Variants in MACROD1 observed in about 807,000 individuals in gnomAD.
The protein encoded by MACROD1 is ADP-ribose glycohydrolase MACROD1.
In MACROD1, 31 loss-of-function variants were observed where a neutral mutation model predicts 41.4. The observed-to-expected ratio is 0.75, with a 90% CI of 0.56 to 1.01. The LOEUF (loss-of-function observed/expected upper bound fraction) is 1.01, where lower values mean the gene tolerates loss of function less well. Among genes scored for constraint, MACROD1 ranks in the 50% least tolerant of loss-of-function variants. The probability of loss-of-function intolerance (pLI) is 0.00; values close to 1 mark genes in which losing one functional copy is unlikely to be tolerated. For synonymous variants in MACROD1, 252 were observed against 203.4 expected (o/e 1.24, Z -2.03); for missense variants, 473 against 460.0 (o/e 1.03, Z -0.26).
chr11:64,105,751 C>T (rs1457847856), intron 3 of MACROD1, among the ~76,000 whole-genome samples: 1 of 152,158 alleles, frequency 6.6e-6, no homozygotes, highest in Non-Finnish European at 1.5e-5. Context: ...CCTCCCTGTG[C>T]CAAACCCCTG....
chr11:64,152,502 T>G, intron 1 of MACROD1, 109 bp from the exon 2 acceptor site: 1 of 839,334 alleles, frequency 1.2e-6, no homozygotes, highest in Non-Finnish European at 2.0e-6. Flanking sequence ...CAGCTCTTCC[T>G]GTCCCTCCTT....
At chr11:64,016,258 C>T (rs1355699887) in intron 3 of MACROD1, among the ~76,000 whole-genome samples, 1 of 152,260 alleles carries the variant, frequency 6.6e-6, no homozygotes, top group African/African-American at 2.4e-5. Context: ...CAGCACTGCC[C>T]CCAGCCTGGG....
chr11:64,157,497 G>A (rs913000274), intron 1 of MACROD1, among the ~76,000 whole-genome samples: 4 of 152,188 alleles, frequency 2.6e-5, no homozygotes, highest in African/African-American at 9.7e-5. Context: ...TGTAAAACAT[G>A]CATTTTCATT....
Position 64,146,017 on chromosome 11 carries a change from G to A in MACROD1, c.517+5222C>T, listed in dbSNP as rs926046272. Among the ~76,000 whole-genome samples the A allele has an allele frequency of 6.6e-6, 1 of 152,042 alleles. No individual in the cohort carries two copies. The highest frequency in any genetic ancestry group is 2.1e-4 in the South Asian group (1 of 4,812). On this transcript the variant is annotated intron_variant, in intron 3 of 10. Transcript: ENST00000255681. The surrounding 1 kb of genome is among the most constrained non-coding windows in gnomAD (Gnocchi z 4.7). ...ACTCCTGACCTCAAGCGATCCGCCC[G>A]CCTCGGCCTCCCAAAGTGCTAGGAT...
At chr11:64,005,759 G>C (rs866419033) in intron 4 of MACROD1, among the ~76,000 whole-genome samples, 1 of 152,252 alleles carries the variant, frequency 6.6e-6, no homozygotes, top group East Asian at 1.9e-4. Flanking sequence ...TGGGGGCCTT[G>C]TACCCCAGGG....
At chr11:64,063,187 G>T (rs1415996722) in intron 3 of MACROD1, among the ~76,000 whole-genome samples, 1 of 152,126 alleles carries the variant, frequency 6.6e-6, no homozygotes, top group Non-Finnish European at 1.5e-5. Context: ...GGCTCTGTGC[G>T]CCCTGCTTAG....
intron 4 of MACROD1, among the ~76,000 whole-genome samples, chr11:64,010,433 A>C (rs1313026046): frequency 2.7e-5 from 2 of 75,100 alleles, no homozygotes; most frequent in Admixed American, 1.8e-4. Flanking sequence ...ATGTTGGCTG[A>C]CATGTTGGGG....
Position 63,999,629 on chromosome 11 carries a change from G to A in MACROD1, c.786+13C>T, listed in dbSNP as rs763342969. The A allele has an allele frequency of 1.2e-6, 2 of 1,609,730 alleles. No homozygotes were observed. Among genetic ancestry groups the A allele is most frequent in the East Asian group, 2.2e-5 (1 of 44,732 alleles). On this transcript the variant is annotated intron_variant, in intron 6 of 10. Coordinates refer to ENST00000255681, the MANE Select transcript of MACROD1 (RefSeq NM_014067.4). ...GCCCCGCCTCCCGCCCTCCCCCGCG[G>A]GCCGTCCCTCACCACCGAGCGGAGC... is the stretch of plus-strand genomic sequence containing the variant.
intron 3 of MACROD1, among the ~76,000 whole-genome samples, chr11:64,078,593 G>T (rs993802318): frequency 1.3e-5 from 2 of 152,176 alleles, no homozygotes; most frequent in Non-Finnish European, 2.9e-5. Context: ...GGTCCCATGG[G>T]GGGTGGCCAC....
intron 1 of MACROD1, among the ~76,000 whole-genome samples, chr11:64,153,216 C>A (rs1222532517): frequency 1.3e-5 from 2 of 152,260 alleles, no homozygotes; most frequent in Non-Finnish European, 2.9e-5. Flanking sequence ...CCGACCGCGC[C>A]AGGCCAGGCT....
chr11:64,148,923 C>T (rs1945534649), intron 3 of MACROD1: 1 of 985,340 alleles, frequency 1.0e-6, no homozygotes, highest in African/African-American at 1.7e-5. Flanking sequence ...CCACAAAGCC[C>T]TGGACGGCTG....
chr11:64,004,059 T>C (rs1362084139), intron 4 of MACROD1, among the ~76,000 whole-genome samples: 1 of 152,234 alleles, frequency 6.6e-6, no homozygotes, highest in Non-Finnish European at 1.5e-5. Flanking sequence ...GAGGAACCTC[T>C]TTCTGCCCCA....
At chr11:64,001,365 C>T (rs1942822547) in intron 4 of MACROD1, 1 of 697,180 alleles carries the variant, frequency 1.4e-6, no homozygotes, top group Non-Finnish European at 2.6e-6. Context: ...TTTGGCAGCT[C>T]TGATCGCCCA....
chr11:64,052,730 C>T (rs558171391), intron 3 of MACROD1, among the ~76,000 whole-genome samples: 6 of 152,334 alleles, frequency 3.9e-5, no homozygotes, highest in Non-Finnish European at 8.8e-5. Context: ...CCACAACCTC[C>T]CAGCTTCTAG....
chr11:64,031,722 C>T (rs1221942107), intron 3 of MACROD1, among the ~76,000 whole-genome samples: 1 of 152,180 alleles, frequency 6.6e-6, no homozygotes, highest in Non-Finnish European at 1.5e-5. Flanking sequence ...AAGTGATCCA[C>T]CTGCCTCGGC....
intron 3 of MACROD1, among the ~76,000 whole-genome samples, chr11:64,110,206 T>C (rs1320707768): frequency 6.6e-6 from 1 of 151,884 alleles, no homozygotes; most frequent in African/African-American, 2.4e-5. Flanking sequence ...TCTCAGCACT[T>C]TGGGATGCTG....
Position 64,122,284 on chromosome 11 carries a change from G to A in MACROD1, c.517+28955C>T, listed in dbSNP as rs868563242. Among the ~76,000 whole-genome samples, 1 of 152,194 alleles carries A rather than the reference G, an allele frequency of 6.6e-6. No homozygotes were observed. The highest frequency in any genetic ancestry group is 2.1e-4 in the South Asian group (1 of 4,834). The stretch of plus-strand genomic sequence containing the variant: ...TGCTCCACGCTAACATGGTGCATGC[G>A]GCGGCCAGGGGCCTCCCTGACACAG... On this transcript the variant is annotated intron_variant, in intron 3 of 10. Transcript: ENST00000255681. The surrounding 1 kb of genome is among the most constrained non-coding windows in gnomAD (Gnocchi z 4.0).
intron 3 of MACROD1, among the ~76,000 whole-genome samples, chr11:64,100,859 GGGGGT>G (rs947206775): frequency 3.3e-5 from 5 of 152,318 alleles, no homozygotes; most frequent in Admixed American, 6.5e-5. Flanking sequence ...CAGGGAAGGT[GGGGGT>G]GGGGGCTGCA....
chr11:64,143,825 C>A (rs11231706), intron 3 of MACROD1, among the ~76,000 whole-genome samples: 1 of 148,734 alleles, frequency 6.7e-6, no homozygotes, highest in African/African-American at 2.5e-5. Flanking sequence ...CTCTGGAGCT[C>A]GGCAAACCTC....
Sources: allele counts gnomAD v4.1 joint callset (sites outside exome capture counted in the v4.1 genomes callset), GRCh38; gene constraint gnomAD v4.1.1; non-coding constraint Gnocchi (gnomAD v3.1); transcripts MANE v1.5; gene names NCBI Gene and HGNC (gene_info 2026-07-23, HGNC 2026-07-21).